The following GRID2 variants were observed in gnomAD, a reference collection of about 807,000 sequenced individuals.
GRID2 encodes glutamate ionotropic receptor delta type subunit 2, also known as glutamate receptor ionotropic, delta-2.
A neutral mutation model predicts 114.8 loss-of-function variants in GRID2; 33 were observed. The ratio of observed to expected loss-of-function variants is 0.29; its 90% CI spans 0.22 to 0.38. The LOEUF (loss-of-function observed/expected upper bound fraction) is 0.38. Ranked by LOEUF, GRID2 falls within the 10% of genes least tolerant of loss-of-function variation. The pLI is 1.00. For missense variants in GRID2, 1,184 were observed against 1,257.7 expected (o/e 0.94, Z 0.89); for synonymous variants, 505 against 449.9 (o/e 1.12, Z -1.55).
chr4:92,571,318 A>C (rs940156424), intron 1 of GRID2, among the ~76,000 whole-genome samples: 1 of 152,172 alleles, frequency 6.6e-6, no homozygotes, highest in Non-Finnish European at 1.5e-5. Flanking sequence ...GGATCAATTC[A>C]ACAAGAAGAG....
intron 9 of GRID2, among the ~76,000 whole-genome samples, chr4:93,400,511 C>G (rs960811180): frequency 6.6e-6 from 1 of 151,910 alleles, no homozygotes; most frequent in Non-Finnish European, 1.5e-5. Flanking sequence ...AATAAATGAC[C>G]AATTAAGTCA....
At chr4:93,611,895 G>A (rs1268796594) in intron 13 of GRID2, among the ~76,000 whole-genome samples, 1 of 151,522 alleles carries the variant, frequency 6.6e-6, no homozygotes, top group Non-Finnish European at 1.5e-5. Flanking sequence ...TCATGGATCT[G>A]TCTAATGTTG....
At chr4:92,438,069 T>A (rs1420667181) in intron 1 of GRID2, among the ~76,000 whole-genome samples, 1 of 152,220 alleles carries the variant, frequency 6.6e-6, no homozygotes, top group East Asian at 1.9e-4. Flanking sequence ...TTTAAGGCTG[T>A]TAAGTATTTC....
intron 1 of GRID2, among the ~76,000 whole-genome samples, chr4:92,576,071 A>C (rs1215290539): frequency 1.3e-5 from 2 of 152,118 alleles, no homozygotes; most frequent in Non-Finnish European, 2.9e-5. Flanking sequence ...TGTCTAAACA[A>C]CCAAGGTGGC....
chr4:93,238,296 A>G, intron 7 of GRID2, 75 bp from the exon 8 acceptor site: 2 of 1,076,516 alleles, frequency 1.9e-6, no homozygotes, highest in South Asian at 1.6e-5. Flanking sequence ...TAGAGTTCCT[A>G]GAAGTTCCTT....
At chr4:92,626,946 G>T (rs1730552738) in intron 2 of GRID2, among the ~76,000 whole-genome samples, 1 of 151,968 alleles carries the variant, frequency 6.6e-6, no homozygotes, top group South Asian at 2.1e-4. Flanking sequence ...GGAGAAAAGG[G>T]AAACATAAAA....
intron 3 of GRID2, among the ~76,000 whole-genome samples, chr4:93,104,414 G>A (rs1022830891): frequency 3.2e-4 from 49 of 151,938 alleles, no homozygotes; most frequent in African/African-American, 1.1e-3. Context: ...CCATTAACTC[G>A]TCATTTAGCA....
intron 8 of GRID2, among the ~76,000 whole-genome samples, chr4:93,362,553 T>C (rs1453121613): frequency 1.3e-5 from 2 of 152,146 alleles, no homozygotes; most frequent in Non-Finnish European, 2.9e-5. Flanking sequence ...CCTGAGAAAC[T>C]ATAGCAAAGC....
chr4:92,304,705 A>C lies in GRID2; in HGVS notation c.49A>C (p.Thr17Pro). ...LLVLSVWWSR[T>P]WDSANADSII... Reference sequence around the variant, plus strand: ...GGTTTTGTCCGTCTGGTGGTCTCGAACCTGGGACTCGGCGAATGCGGATTC... The same window carrying C: ...GGTTTTGTCCGTCTGGTGGTCTCGACCCTGGGACTCGGCGAATGCGGATTC... Residue 17 changes from threonine to proline, a missense_variant, in exon 1 of 16, where the codon ACC (threonine) becomes CCC (proline). Physicochemically the swap from Thr to Pro is conservative, Grantham distance 38. Coordinates refer to ENST00000282020, the MANE Select transcript of GRID2 (RefSeq NM_001510.4). 2 of 1,613,770 alleles carry C rather than the reference A, an allele frequency of 1.2e-6. No individual in the cohort carries two copies. The highest frequency in any genetic ancestry group is 1.7e-6 in the Non-Finnish European group (2 of 1,179,696).
At chr4:92,830,533 CTAT>C (rs569416982) in intron 2 of GRID2, among the ~76,000 whole-genome samples, 41 of 152,108 alleles carry the variant, frequency 2.7e-4, no homozygotes, top group East Asian at 7.7e-4. Flanking sequence ...TTTAAGCATA[CTAT>C]TATTATTATT....
intron 1 of GRID2, among the ~76,000 whole-genome samples, chr4:93,790,975 C>A (rs150003531): frequency 1.3e-5 from 2 of 152,264 alleles, no homozygotes; most frequent in East Asian, 3.9e-4. Context: ...TCACAGTAGG[C>A]TCAAAATAGT....
intron 13 of GRID2, among the ~76,000 whole-genome samples, chr4:93,544,226 A>C (rs1330747561): frequency 6.6e-6 from 1 of 152,126 alleles, no homozygotes; most frequent in African/African-American, 2.4e-5. Flanking sequence ...AAATGTGTGG[A>C]ATAGATAATA....
At chr4:92,704,725 C>CTCTCTCTCTT (rs1734865773) in intron 2 of GRID2, among the ~76,000 whole-genome samples, 16 of 133,248 alleles carry the variant, frequency 1.2e-4, no homozygotes, top group African/African-American at 4.9e-4. Context: ...CTCTCTCTTT[C>CTCTCTCTCTT]TCTCTCTCTC....
At chr4:93,453,255 G>C (rs1722868593) in intron 10 of GRID2, among the ~76,000 whole-genome samples, 1 of 150,124 alleles carries the variant, frequency 6.7e-6, no homozygotes, top group Non-Finnish European at 1.5e-5. Context: ...CTGTATCATT[G>C]ATTCTGAAGG....
At chr4:93,316,332 GAAAGAAA>G (rs1756641005) in intron 8 of GRID2, among the ~76,000 whole-genome samples, 2 of 48,718 alleles carry the variant, frequency 4.1e-5, no homozygotes, top group African/African-American at 1.7e-4. Context: ...AAGAAAGAAA[GAAAGAAA>G]GAAGGAAGGA....
intron 13 of GRID2, among the ~76,000 whole-genome samples, chr4:93,620,224 T>G (rs1382179658): frequency 1.3e-5 from 2 of 152,218 alleles, no homozygotes; most frequent in Non-Finnish European, 2.9e-5. Flanking sequence ...AGGATTTTCT[T>G]TAGCAAAGGA....
chr4:93,773,895 G>C lies in GRID2; in HGVS notation c.*1397G>C, dbSNP rs1734269340. ...ATGACAGCAAAAACAGTGCCTCTTT[G>C]TGCACAATCCTTTTAAAGTAGCATT... On this transcript the variant is annotated 3_prime_UTR_variant, in exon 16 of 16. Coordinates refer to ENST00000282020, the MANE Select transcript of GRID2 (RefSeq NM_001510.4). 6.6e-6 allele frequency: 1 copy of C among 152,074 alleles called. No homozygotes were observed. Among genetic ancestry groups the C allele is most frequent in the African/African-American group, 2.4e-5 (1 of 41,434 alleles). The allele number at this position is 152,074 out of a possible 1,614,324, so 9.4% of individuals were successfully genotyped here.
intron 9 of GRID2, among the ~76,000 whole-genome samples, chr4:93,417,175 G>A (rs1055942429): frequency 1.3e-5 from 2 of 151,864 alleles, no homozygotes; most frequent in African/African-American, 4.8e-5. Context: ...CTCACACTTT[G>A]AAAATATATG....
chr4:92,319,025 T>C (rs917534231), intron 1 of GRID2, among the ~76,000 whole-genome samples: 8 of 152,304 alleles, frequency 5.3e-5, no homozygotes, highest in Non-Finnish European at 1.0e-4. Context: ...ATTTCGTGTT[T>C]TGAATATTTC....
Sources: gnomAD v4.1 joint callset for allele counts (sites outside exome capture counted in the v4.1 genomes callset) on GRCh38, gnomAD v4.1.1 for gene constraint, MANE v1.5 for transcripts, NCBI Gene and HGNC (gene_info 2026-07-23, HGNC 2026-07-21) for gene names.